NHSL2: variants seen among roughly 807,000 people sequenced by gnomAD.
The protein encoded by NHSL2 is NHS-like protein 2.
A neutral mutation model predicts 53.4 loss-of-function variants in NHSL2; 27 were observed. The observed-to-expected ratio is 0.51, with a 90% CI of 0.37 to 0.70. The LOEUF (loss-of-function observed/expected upper bound fraction) is 0.70, where lower values mean the gene tolerates loss of function less well. NHSL2 is among the 30% of genes least tolerant of loss of function. NHSL2 has a pLI of 0.00. For synonymous variants in NHSL2, 408 were observed against 404.1 expected, an observed-to-expected ratio of 1.01 and a Z score of -0.12; for missense variants, 892 against 980.1, an observed-to-expected ratio of 0.91 and a Z score of 1.20.
chrX:71,937,895 C>T (rs2041746712), intron 1 of NHSL2, among the ~76,000 whole-genome samples: 2 of 111,988 alleles, frequency 1.8e-5, no homozygotes, highest in Non-Finnish European at 3.8e-5. Context: ...GATCAGAGAA[C>T]CTACCGTTGT....
At chrX:71,922,472 GC>G (rs2041664546) in intron 1 of NHSL2, among the ~76,000 whole-genome samples, 1 of 111,971 alleles carries the variant, frequency 8.9e-6, no homozygotes, top group Non-Finnish European at 1.9e-5. Context: ...CCTATAGTTT[GC>G]CTCCCAAGCA....
chrX:72,111,764 T>A (rs2042095391), intron 1 of NHSL2, among the ~76,000 whole-genome samples: 1 of 111,535 alleles, frequency 9.0e-6, no homozygotes. Context: ...ATTCACTCAT[T>A]TATTCATTCA....
At chrX:72,000,159 T>G (rs2042066547) in intron 1 of NHSL2, among the ~76,000 whole-genome samples, 1 of 111,518 alleles carries the variant, frequency 9.0e-6, no homozygotes, top group Admixed American at 9.5e-5. Context: ...ACACCACCGG[T>G]CCTACATATG....
At chrX:72,006,589 G>C (rs1413203314) in intron 1 of NHSL2, among the ~76,000 whole-genome samples, 1 of 112,653 alleles carries the variant, frequency 8.9e-6, no homozygotes, top group African/African-American at 3.2e-5. Context: ...CTCTCGCTCT[G>C]TTGCCCAGGC....
At chrX:71,971,724 C>T (rs1038656272) in intron 1 of NHSL2, among the ~76,000 whole-genome samples, 2 of 111,690 alleles carry the variant, frequency 1.8e-5, no homozygotes, top group African/African-American at 6.5e-5. Context: ...TACATAACTA[C>T]CTTTACTGGA....
intron 1 of NHSL2, among the ~76,000 whole-genome samples, chrX:72,043,315 T>C (rs987357264): frequency 1.8e-5 from 2 of 111,695 alleles, no homozygotes; most frequent in South Asian, 7.4e-4. Context: ...ACTTTGGACA[T>C]CAGTATCAAT....
intron 1 of NHSL2, among the ~76,000 whole-genome samples, chrX:71,915,156 A>C (rs2041622206): frequency 8.9e-6 from 1 of 112,065 alleles, no homozygotes; most frequent in Non-Finnish European, 1.9e-5. Context: ...TTTAGAAACA[A>C]GACATTTAAT....
intron 1 of NHSL2, chrX:72,069,780 C>A (rs1156551163): frequency 2.4e-6 from 2 of 830,414 alleles, no homozygotes; most frequent in East Asian, 8.5e-5. Context: ...CCTCCTTTTC[C>A]GGGGCTCCTA....
chrX:72,113,854 C>T (rs1321019733), intron 1 of NHSL2, among the ~76,000 whole-genome samples: 3 of 112,186 alleles, frequency 2.7e-5, no homozygotes, highest in East Asian at 5.6e-4. Flanking sequence ...GAGGAGCCCC[C>T]GTCTGGCTCA....
chrX:72,084,664 A>G (rs954877741), intron 1 of NHSL2, among the ~76,000 whole-genome samples: 3 of 112,083 alleles, frequency 2.7e-5, no homozygotes, highest in African/African-American at 9.7e-5. Flanking sequence ...TCCGCGGCTG[A>G]GGGAATAAGG....
At chrX:72,049,857 T>G (rs1379217884) in intron 1 of NHSL2, among the ~76,000 whole-genome samples, 1 of 101,413 alleles carries the variant, frequency 9.9e-6, no homozygotes, top group Non-Finnish European at 2.0e-5. Flanking sequence ...ACTGTTCCCT[T>G]TCACTTACAC....
chrX:72,008,993 A>C (rs2042105124), intron 1 of NHSL2, among the ~76,000 whole-genome samples: 1 of 112,286 alleles, frequency 8.9e-6, no homozygotes, highest in Admixed American at 9.4e-5. Flanking sequence ...GTAGTCCACA[A>C]GGTCCTGCAT....
At chrX:72,121,195 A>G (rs770559940) in intron 1 of NHSL2, among the ~76,000 whole-genome samples, 25 of 112,096 alleles carry the variant, frequency 2.2e-4, no homozygotes, top group Non-Finnish European at 4.1e-4. Flanking sequence ...TCAGGAAGTC[A>G]GGAAAAAGAA....
chrX:72,019,718 G>A (rs1404556158), intron 1 of NHSL2, among the ~76,000 whole-genome samples: 1 of 112,081 alleles, frequency 8.9e-6, no homozygotes, highest in Non-Finnish European at 1.9e-5. Context: ...AGAACAGCCT[G>A]TGCAAAAGCT....
chrX:72,137,247 C>T lies in NHSL2; in HGVS notation c.892+22C>T, dbSNP rs1397970376. ...CAAGGTGACCCCACCACAGCTGATT[C>T]CCCAGTCCCTTCCCCTTACCCACTC... On this transcript the variant is annotated intron_variant, in intron 5 of 7. Transcript: ENST00000633930. The T allele has an allele frequency of 3.5e-6, 4 of 1,148,194 alleles. No individual in the cohort carries two copies. In the African/African-American group the frequency reaches 7.2e-5, roughly 21 times the overall value. The allele number at this position is 1,148,194 out of a possible 1,213,427, so 94.6% of individuals were successfully genotyped here.
At chrX:72,093,970 C>T (rs974295514) in intron 1 of NHSL2, among the ~76,000 whole-genome samples, 3 of 109,898 alleles carry the variant, frequency 2.7e-5, no homozygotes, top group Non-Finnish European at 3.8e-5. Context: ...TTAGTAGAGA[C>T]GGGGTTTCAC....
At chrX:72,111,946 G>T (rs1244500238) in intron 1 of NHSL2, among the ~76,000 whole-genome samples, 3 of 110,861 alleles carry the variant, frequency 2.7e-5, no homozygotes, top group Non-Finnish European at 3.8e-5. Flanking sequence ...GTGCTATGAA[G>T]AAAAGTAAGC....
At chrX:71,998,048 A>G (rs1442605298) in intron 1 of NHSL2, among the ~76,000 whole-genome samples, 1 of 112,207 alleles carries the variant, frequency 8.9e-6, no homozygotes, top group Non-Finnish European at 1.9e-5. Flanking sequence ...CAGACTTAAA[A>G]TGGAGGGCAA....
chrX:71,945,091 T>C (rs909577094), intron 1 of NHSL2, among the ~76,000 whole-genome samples: 1 of 111,435 alleles, frequency 9.0e-6, no homozygotes, highest in African/African-American at 3.3e-5. Context: ...CCAAGATGTA[T>C]TTTTTGAAAT....
Sources: allele counts gnomAD v4.1 joint callset (sites outside exome capture counted in the v4.1 genomes callset), GRCh38; gene constraint gnomAD v4.1.1; transcripts MANE v1.5; gene names NCBI Gene and HGNC (gene_info 2026-07-23, HGNC 2026-07-21).